Variants in USP8 observed in about 807,000 individuals in gnomAD.
The protein encoded by USP8 is ubiquitin specific peptidase 8, also known as ubiquitin carboxyl-terminal hydrolase 8.
A neutral mutation model predicts 130.0 loss-of-function variants in USP8; 27 were observed. That is an observed-to-expected ratio of 0.21 (90% confidence interval 0.15 to 0.29). The LOEUF (loss-of-function observed/expected upper bound fraction) is 0.29. Ranked by LOEUF, USP8 falls within the 10% of genes least tolerant of loss-of-function variation. The probability of loss-of-function intolerance (pLI) is 1.00; values close to 1 mark genes in which losing one functional copy is unlikely to be tolerated. For synonymous variants in USP8, 392 were observed against 444.1 expected, an observed-to-expected ratio of 0.88 and a Z score of 1.48; for missense variants, 1,029 against 1,312.2, an observed-to-expected ratio of 0.78 and a Z score of 3.33.
chr15:50,480,145 T>C (rs534738964), intron 10 of USP8, among the ~76,000 whole-genome samples: 1 of 152,318 alleles, frequency 6.6e-6, no homozygotes, highest in Admixed American at 6.5e-5. Context: ...TTCTTATAAG[T>C]TTTTATTTTT....
intron 4 of USP8, among the ~76,000 whole-genome samples, chr15:50,454,920 G>A (rs1475284273): frequency 6.6e-6 from 1 of 151,800 alleles, no homozygotes; most frequent in Non-Finnish European, 1.5e-5. Context: ...TGGGACTAAA[G>A]GCACACACCT....
intron 1 of USP8, among the ~76,000 whole-genome samples, chr15:50,428,096 A>T (rs528045698): frequency 6.6e-6 from 1 of 152,014 alleles, no homozygotes; most frequent in African/African-American, 2.4e-5. Flanking sequence ...GTCTCTTTTG[A>T]CTAACACATT....
At chr15:50,457,403 C>T (rs565076987) in intron 4 of USP8, among the ~76,000 whole-genome samples, 1 of 151,288 alleles carries the variant, frequency 6.6e-6, no homozygotes, top group East Asian at 1.9e-4. Context: ...ACTAAAAATA[C>T]AAAAATTAGG....
At chr15:50,435,846 C>T (rs1290977744) in intron 1 of USP8, among the ~76,000 whole-genome samples, 1 of 152,130 alleles carries the variant, frequency 6.6e-6, no homozygotes, top group African/African-American at 2.4e-5. Context: ...CTCCTAGAAA[C>T]CCTTCCTAAA....
At chr15:50,485,030 A>C (rs1433975594) in intron 12 of USP8, among the ~76,000 whole-genome samples, 1 of 152,240 alleles carries the variant, frequency 6.6e-6, no homozygotes, top group Non-Finnish European at 1.5e-5. Flanking sequence ...TTTCAGTTTT[A>C]CAAGATGAAA....
intron 1 of USP8, chr15:50,426,879 A>G (rs1204017864): frequency 6.6e-6 from 1 of 152,060 alleles, no homozygotes; most frequent in Non-Finnish European, 1.5e-5. Context: ...ACAAAGTTGT[A>G]TTGGACTCTT....
rs2049789348 is a variant in USP8 at position 50,427,715 on chromosome 15, A to G, written c.-66+3201A>G. Among the ~76,000 whole-genome samples, 10 of 152,002 alleles carry G rather than the reference A, an allele frequency of 6.6e-5. No homozygotes were observed. The South Asian group carries it at 1.9e-3, about 28-fold the overall frequency. ...GCTGGGACTATAGGCACCTGCCACC[A>G]TGCCCGGCTAATTTTTGTATTTTAG... On this transcript the variant is annotated intron_variant, in intron 1 of 19. Coordinates refer to ENST00000307179, the MANE Select transcript of USP8 (RefSeq NM_005154.5).
intron 1 of USP8, among the ~76,000 whole-genome samples, chr15:50,426,472 T>C (rs2049729445): frequency 6.6e-6 from 1 of 152,218 alleles, no homozygotes; most frequent in African/African-American, 2.4e-5. Flanking sequence ...CTTAGCTAAG[T>C]GGTTTTCACC....
chr15:50,431,800 G>A (rs1025279458), intron 1 of USP8, among the ~76,000 whole-genome samples: 1 of 152,144 alleles, frequency 6.6e-6, no homozygotes, highest in Non-Finnish European at 1.5e-5. Flanking sequence ...GGAATTACAG[G>A]CGTCCACCAC....
chr15:50,498,303 C>T, intron 18 of USP8: 2 of 243,622 alleles, frequency 8.2e-6, no homozygotes, highest in Non-Finnish European at 1.6e-5. Flanking sequence ...TGGGTCTTAC[C>T]TTCCTAGAAG....
chr15:50,462,457 A>G, intron 6 of USP8, 135 bp downstream of exon 6: 1 of 701,332 alleles, frequency 1.4e-6, no homozygotes, highest in Non-Finnish European at 2.2e-6. Context: ...CATTTTTCCT[A>G]GTCTGTACAA....
chr15:50,428,873 C>T (rs184766063), intron 1 of USP8, among the ~76,000 whole-genome samples: 2 of 152,248 alleles, frequency 1.3e-5, no homozygotes, highest in East Asian at 1.9e-4. Context: ...TCTGCTTTTA[C>T]ACTTTGAAGC....
At chr15:50,430,747 C>G (rs1365903664) in intron 1 of USP8, among the ~76,000 whole-genome samples, 1 of 152,166 alleles carries the variant, frequency 6.6e-6, no homozygotes, top group Non-Finnish European at 1.5e-5. Flanking sequence ...TCTGTCTGCT[C>G]TCACATATAA....
chr15:50,469,598 C>T (rs917536590), intron 7 of USP8, among the ~76,000 whole-genome samples: 2 of 151,978 alleles, frequency 1.3e-5, no homozygotes, highest in Non-Finnish European at 2.9e-5. Flanking sequence ...TTCTTTACTT[C>T]CTGGAAGATA....
Position 50,443,608 on chromosome 15 carries a change from C to T in USP8, c.249+2115C>T, listed in dbSNP as rs572557730. On this transcript the variant is annotated intron_variant, in intron 3 of 19. Coordinates refer to ENST00000307179, the MANE Select transcript of USP8 (RefSeq NM_005154.5). Reference sequence around the variant, plus strand: ...AAGCGGTTCTCCTGCCTCAGCCTCCCGAGTAGCTGGGACTACAGGTGTGCA... The same window carrying T: ...AAGCGGTTCTCCTGCCTCAGCCTCCTGAGTAGCTGGGACTACAGGTGTGCA... Among the ~76,000 whole-genome samples the T allele has an allele frequency of 9.9e-5, 15 of 152,022 alleles. No individual in the cohort carries two copies. The East Asian group carries it at 2.7e-3, about 27-fold the overall frequency.
chr15:50,441,969 CTTTTTTTTTTT>C (rs1011150634), intron 3 of USP8, among the ~76,000 whole-genome samples: 1 of 81,438 alleles, frequency 1.2e-5, no homozygotes, highest in African/African-American at 5.0e-5. Context: ...CTCCCTAAAT[CTTTTTTTTTTT>C]TTTTTTTTTT....
At chr15:50,436,044 C>T (rs529232263) in intron 1 of USP8, among the ~76,000 whole-genome samples, 113 of 152,216 alleles carry the variant, frequency 7.4e-4, no homozygotes, top group Non-Finnish European at 9.0e-4. Flanking sequence ...CTAGTGTTTT[C>T]CCTATCTAGT....
chr15:50,438,166 G>A (rs2050144393), intron 1 of USP8, among the ~76,000 whole-genome samples: 1 of 152,160 alleles, frequency 6.6e-6, no homozygotes, highest in Non-Finnish European at 1.5e-5. Context: ...ATTTTCATAG[G>A]TGAGCAGCAG....
chr15:50,506,957 C>CAAAAAAAAA lies in USP8; in HGVS notation c.*7894_*7902dup, dbSNP rs58329541. ...TGGGCGACAGAGCGAGACTTCATCTCAAAAAAAAAAAAAAAAAAAAAAAAA... is the reference window on the plus strand; with the variant it reads ...TGGGCGACAGAGCGAGACTTCATCTCAAAAAAAAAAAAAAAAAAAAAAAAAAAAAAAAAA... On this transcript the variant is annotated 3_prime_UTR_variant, in exon 20 of 20. Coordinates refer to ENST00000307179, the MANE Select transcript of USP8 (RefSeq NM_005154.5). 31 of 46,222 alleles carry CAAAAAAAAA rather than the reference C, an allele frequency of 6.7e-4. No individual in the cohort carries two copies. The highest frequency in any genetic ancestry group is 2.7e-3 in the African/African-American group (29 of 10,546). 2.9% of individuals were successfully genotyped at this position (46,222 alleles called of 1,614,324 possible).
Sources: gnomAD v4.1 joint callset for allele counts (sites outside exome capture counted in the v4.1 genomes callset) on GRCh38, gnomAD v4.1.1 for gene constraint, MANE v1.5 for transcripts, NCBI Gene and HGNC (gene_info 2026-07-23, HGNC 2026-07-21) for gene names.